Variants in TEX10 observed in about 807,000 individuals in gnomAD.
TEX10 encodes the protein testis expressed 10, also known as testis-expressed protein 10.
TEX10 carries 24 observed loss-of-function variants against 104.4 expected under a neutral mutation model. The observed-to-expected ratio is 0.23, with a 90% CI of 0.17 to 0.32. The LOEUF is 0.32. TEX10 is among the 10% of genes least tolerant of loss of function. TEX10 has a pLI of 1.00. For synonymous variants in TEX10, 396 were observed against 393.4 expected (o/e 1.01, Z -0.08); for missense variants, 921 against 1,083.9 (o/e 0.85, Z 2.11).
rs1478075882 is a variant in TEX10, at chr9:100,346,726, T to C, written c.861A>G (p.Ser287=). 1.2e-6 allele frequency: 2 copies of C among 1,613,798 alleles called. No homozygotes were observed. The highest frequency in any genetic ancestry group is 1.7e-6 in the Non-Finnish European group (2 of 1,179,802). ...QHIQVYENGG[S]QPNVSSQFRL... ...TGAACTGTGAACTGACATTTGGCTGTGAACCCCCATTTTCATAAACCTGGA... is the reference window on the plus strand; with the variant it reads ...TGAACTGTGAACTGACATTTGGCTGCGAACCCCCATTTTCATAAACCTGGA... The change falls in exon 3 of 15, where the codon TCA becomes TCG. Residue 287 remains serine (S), a synonymous_variant. Coordinates refer to ENST00000374902, the MANE Select transcript of TEX10 (RefSeq NM_017746.4).
chr9:100,319,025 A>G (rs1487894636), intron 11 of TEX10, among the ~76,000 whole-genome samples: 1 of 152,074 alleles, frequency 6.6e-6, no homozygotes, highest in Non-Finnish European at 1.5e-5. Flanking sequence ...AACCATCTCT[A>G]CTAAAAATAC....
intron 6 of TEX10, among the ~76,000 whole-genome samples, chr9:100,329,522 C>T (rs887313032): frequency 1.3e-5 from 2 of 152,014 alleles, no homozygotes; most frequent in African/African-American, 2.4e-5. Flanking sequence ...ATTAGAAAGG[C>T]AATTTAGATG....
At position 100,329,256 on chromosome 9, in the gene TEX10, A is replaced by G; in HGVS notation, c.1509T>C (p.Ile503=). 1 of 1,606,574 alleles carries G rather than the reference A, an allele frequency of 6.2e-7. No individual in the cohort carries two copies. Among genetic ancestry groups the G allele is most frequent in the Non-Finnish European group, 8.5e-7 (1 of 1,178,400 alleles). ...QPNREDTETL[I]KAVYTLYQQR... ...GCTGATATAATGTATAAACTGCCTT[A>G]ATAAGAGTCTCTGTGTCCTCTACAA... is the stretch of plus-strand genomic sequence containing the variant. The change falls in exon 7 of 15, where the codon ATT becomes ATC. Residue 503 remains isoleucine (I), a synonymous_variant. Transcript: ENST00000374902.
chr9:100,310,757 T>TA (rs1007602162), intron 11 of TEX10, among the ~76,000 whole-genome samples: 2 of 152,240 alleles, frequency 1.3e-5, no homozygotes, highest in African/African-American at 4.8e-5. Flanking sequence ...TTTTAATACC[T>TA]ACTTGCTCTA....
Position 100,340,279 on chromosome 9 carries a change from T to C in TEX10, c.1228A>G (p.Lys410Glu), listed in dbSNP as rs746682728. Residue 410 changes from lysine (K) to glutamate (E), a missense_variant, in exon 5 of 15, where the codon AAA becomes GAA. Transcript: ENST00000374902. ...TACCTTTTATTTGGCTCTTTCCTTT[T>C]GTGCTTGGTTATTTCTTTTAAGACA... Reference protein sequence around the residue: ...PYVLKEITKHKRKEPNKSIKH... With the variant: ...PYVLKEITKHERKEPNKSIKH... 1.5e-5 allele frequency: 23 copies of C among 1,569,744 alleles called. No homozygotes were observed. The highest frequency in any genetic ancestry group is 1.2e-5 in the South Asian group (1 of 82,236).
At chr9:100,317,076 C>A (rs1313376798) in intron 11 of TEX10, among the ~76,000 whole-genome samples, 1 of 151,908 alleles carries the variant, frequency 6.6e-6, no homozygotes, top group East Asian at 1.9e-4. Flanking sequence ...CCAAATTAAT[C>A]TTTAGATTAA....
chr9:100,330,629 C>T (rs1834836669), intron 5 of TEX10, among the ~76,000 whole-genome samples: 2 of 152,138 alleles, frequency 1.3e-5, no homozygotes, highest in Non-Finnish European at 1.5e-5. Flanking sequence ...AGACATACCC[C>T]GGTAAGCACT....
intron 8 of TEX10, among the ~76,000 whole-genome samples, 180 bp downstream of exon 8, chr9:100,327,607 A>G (rs1834740722): frequency 6.6e-6 from 1 of 152,262 alleles, no homozygotes; most frequent in African/African-American, 2.4e-5. Context: ...TTAACCTTCT[A>G]TATTCTAATA....
intron 5 of TEX10, among the ~76,000 whole-genome samples, chr9:100,337,422 A>T (rs1424877951): frequency 6.6e-6 from 1 of 152,254 alleles, no homozygotes; most frequent in Admixed American, 6.5e-5. Flanking sequence ...ATTTGAAAAA[A>T]TACACATACA....
chr9:100,334,665 CT>C (rs11463306), intron 5 of TEX10, among the ~76,000 whole-genome samples: 160 of 142,760 alleles, frequency 1.1e-3, no homozygotes, highest in African/African-American at 1.8e-3. Flanking sequence ...TCATTTTGTT[CT>C]TTTTTTTTTT....
At position 100,330,189 on chromosome 9, in the gene TEX10, C is replaced by T; in HGVS notation, c.1251-20G>A. On this transcript the variant is annotated intron_variant, in intron 5 of 14. Coordinates refer to ENST00000374902, the MANE Select transcript of TEX10 (RefSeq NM_017746.4). Reference sequence around the variant, plus strand: ...TTGATGCTAGAAACAAAGACACACACATCTATAAAGCATTACGTCTACCAT... The same window carrying T: ...TTGATGCTAGAAACAAAGACACACATATCTATAAAGCATTACGTCTACCAT... The T allele has an allele frequency of 6.6e-7, 1 of 1,516,832 alleles. No homozygotes were observed. 94.0% of individuals were successfully genotyped at this position (1,516,832 alleles called of 1,614,324 possible). A position where few individuals can be genotyped will look rare whatever the true frequency, so the allele number is the denominator to read the frequency against.
Position 100,321,758 on chromosome 9 carries a change from C to T in TEX10, c.1993G>A (p.Gly665Arg). ...CAGTCTTTAGCTGAATACTTCCACC[C>T]AGAAAATGATGATCTATAAAAAACA... Reference protein sequence around the residue: ...GILHMRSSFSGWKYSAKDWLM... With the variant: ...GILHMRSSFSRWKYSAKDWLM... Residue 665 changes from glycine to arginine, a missense_variant, in exon 10 of 15, where the codon GGG becomes AGG. This residue lies in a region of TEX10 where 753 missense variants were observed against 868.4 expected (regional missense o/e 0.87). Coordinates refer to ENST00000374902, the MANE Select transcript of TEX10 (RefSeq NM_017746.4). 2 of 1,611,712 alleles carry T rather than the reference C, an allele frequency of 1.2e-6. No individual in the cohort carries two copies. Among genetic ancestry groups the T allele is most frequent in the South Asian group, 1.1e-5 (1 of 90,966 alleles).
At chr9:100,343,966 G>A (rs1262109107) in intron 4 of TEX10, among the ~76,000 whole-genome samples, 1 of 152,144 alleles carries the variant, frequency 6.6e-6, no homozygotes, top group Non-Finnish European at 1.5e-5. Context: ...GCATTTTAAT[G>A]TCATTTTGTA....
chr9:100,348,959 G>A (rs1033444837), intron 2 of TEX10, among the ~76,000 whole-genome samples: 14 of 152,158 alleles, frequency 9.2e-5, no homozygotes, highest in Admixed American at 6.5e-4. Context: ...ATATACCAGG[G>A]AGAAACAACT....
At position 100,340,018 on chromosome 9, in the gene TEX10, T is replaced by C. The variant is rs185777311; in HGVS notation, c.1250+239A>G. ...TTATTAAATTCGTATTTACATAAGC[T>C]GATACATTCATCTAGCACAAAAAAA... On this transcript the variant is annotated intron_variant, in intron 5 of 14. Coordinates refer to ENST00000374902, the MANE Select transcript of TEX10 (RefSeq NM_017746.4). 3.5e-3 allele frequency among the ~76,000 whole-genome samples: 538 copies of C among 152,256 alleles called. 1 individual carries two copies. The highest frequency in any genetic ancestry group is 0.012 in the African/African-American group (511 of 41,570).
In TEX10 at chr9:100,352,768, T is replaced by C. The variant is rs948458523; in HGVS notation, c.-10+4A>G. ...ACCCGGCCCGACGGGCGACGGCCGC[T>C]TACCTGAGGACCCGGCCGCGGCCGG... On this transcript the variant is annotated splice_donor_region_variant and intron_variant, in intron 1 of 14. Transcript: ENST00000374902. 65 of 1,126,898 alleles carry C rather than the reference T, an allele frequency of 5.8e-5. No individual in the cohort carries two copies. Among genetic ancestry groups the C allele is most frequent in the Non-Finnish European group, 6.9e-5 (64 of 922,568 alleles). 69.8% of individuals were successfully genotyped at this position (1,126,898 alleles called of 1,614,324 possible).
intron 4 of TEX10, among the ~76,000 whole-genome samples, chr9:100,342,126 T>G (rs942139937): frequency 1.3e-5 from 2 of 152,186 alleles, no homozygotes; most frequent in African/African-American, 2.4e-5. Flanking sequence ...TCAAAGCCAT[T>G]GTACTTGCTG....
chr9:100,333,636 T>TAAA (rs60509628), intron 5 of TEX10, among the ~76,000 whole-genome samples: 6 of 109,746 alleles, frequency 5.5e-5, no homozygotes, highest in African/African-American at 9.8e-5. Context: ...GACCCCATCA[T>TAAA]AAAAAAAAAA....
intron 5 of TEX10, among the ~76,000 whole-genome samples, chr9:100,331,156 G>C (rs1834853106): frequency 6.6e-6 from 1 of 152,194 alleles, no homozygotes; most frequent in African/African-American, 2.4e-5. Flanking sequence ...AGCTACTTGG[G>C]AGGCTGAGGC....
Sources: gnomAD v4.1 joint callset for allele counts (sites outside exome capture counted in the v4.1 genomes callset) on GRCh38, gnomAD v4.1.1 for gene constraint, gnomAD v4.1.1 regional missense constraint, MANE v1.5 for transcripts, NCBI Gene and HGNC (gene_info 2026-07-23, HGNC 2026-07-21) for gene names.